The following MAST3 variants were observed in gnomAD, a reference collection of about 807,000 sequenced individuals.
MAST3 encodes microtubule associated serine/threonine kinase 3, also known as microtubule-associated serine/threonine-protein kinase 3.
In MAST3, 43 loss-of-function variants were observed where a neutral mutation model predicts 127.0. The observed-to-expected ratio is 0.34, with a 90% CI of 0.27 to 0.44. The LOEUF (loss-of-function observed/expected upper bound fraction) is 0.44, where lower values mean the gene tolerates loss of function less well. MAST3 is among the 20% of genes least tolerant of loss of function. The pLI is 1.00. For missense variants in MAST3, 1,390 were observed against 1,919.1 expected (o/e 0.72, Z 5.15); for synonymous variants, 785 against 809.2 (o/e 0.97, Z 0.51).
In MAST3 at chr19:18,145,640, A is replaced by G. The variant is rs1184465212; in HGVS notation, c.3040-103A>G. On this transcript the variant is annotated intron_variant, in intron 24 of 27. Transcript: ENST00000687212. This position sits in a 1 kb window ranked among gnomAD's most constrained non-coding sequence, Gnocchi z 5.9. ...GGATCAGGGAAACTGAGACAGCACA[A>G]GAGGCAGCAGCTTGCTGGGGTCCCA... The G allele has an allele frequency of 3.7e-6, 5 of 1,344,300 alleles. No individual in the cohort carries two copies. The East Asian group carries it at 7.9e-5, about 21-fold the overall frequency. 83.3% of individuals were successfully genotyped at this position (1,344,300 alleles called of 1,614,324 possible).
intron 19 of MAST3, 61 bp downstream of exon 19, chr19:18,137,422 G>C: frequency 6.4e-7 from 1 of 1,558,594 alleles, no homozygotes; most frequent in Non-Finnish European, 8.7e-7. Flanking sequence ...CAGTCCCTGG[G>C]GGCAGAGGGC....
At chr19:18,142,593 G>A (rs907850240) in intron 21 of MAST3, among the ~76,000 whole-genome samples, 4 of 150,838 alleles carry the variant, frequency 2.7e-5, no homozygotes, top group East Asian at 2.0e-4. Context: ...CTCGTGATCC[G>A]CCCTCCTCAA....
rs938424125 is a variant in MAST3 at position 18,144,077 on chromosome 19, G to A, written c.2584+70G>A. ...CCAGAGGAGGGGCTATTTGAGATGG[G>A]TTTTCAAGGATGAGTAGGAGTTCTC... On this transcript the variant is annotated intron_variant, in intron 22 of 27. Coordinates refer to ENST00000687212, the MANE Select transcript of MAST3 (RefSeq NM_001393504.1). This position sits in a 1 kb window ranked among gnomAD's most constrained non-coding sequence, Gnocchi z 4.0. 1.3e-6 allele frequency: 2 copies of A among 1,518,186 alleles called. No homozygotes were observed. The highest frequency in any genetic ancestry group is 1.4e-5 in the African/African-American group (1 of 72,084). The allele number at this position is 1,518,186 out of a possible 1,614,324, so 94.0% of individuals were successfully genotyped here.
chr19:18,144,799 G>T lies in MAST3; in HGVS notation c.2812+106G>T. The T allele has an allele frequency of 8.1e-7, 1 of 1,241,876 alleles. No individual in the cohort carries two copies. Among genetic ancestry groups the T allele is most frequent in the East Asian group, 2.4e-5 (1 of 41,734 alleles). The allele number at this position is 1,241,876 out of a possible 1,614,324, so 76.9% of individuals were successfully genotyped here. ...AGGCTGGGGATGAGCCCCAGAAGAG[G>T]GGAGGAGGAGTAGGACACATGGAGA... On this transcript the variant is annotated intron_variant, in intron 23 of 27. Coordinates refer to ENST00000687212, the MANE Select transcript of MAST3 (RefSeq NM_001393504.1). This position sits in a 1 kb window ranked among gnomAD's most constrained non-coding sequence, Gnocchi z 4.0.
rs781125553 is a variant in MAST3 at position 18,144,630 on chromosome 19, G to A, written c.2749G>A (p.Gly917Ser). 13 of 1,611,498 alleles carry A rather than the reference G, an allele frequency of 8.1e-6. No homozygotes were observed. Among genetic ancestry groups the A allele is most frequent in the East Asian group, 2.2e-5 (1 of 44,880 alleles). The change falls in exon 23 of 28, where the codon GGC (glycine) becomes AGC (serine). Residue 917 changes from glycine (G) to serine (S), a missense_variant. Physicochemically the swap from Gly to Ser is moderately conservative, Grantham distance 56 (BLOSUM62 0). Transcript: ENST00000687212. The surrounding 1 kb of genome is among the most constrained non-coding windows in gnomAD (Gnocchi z 4.0). Reference sequence around the variant, plus strand: ...CTCCTCCAGCGGTGGCAGTGGTGGCGGCAGTGGGGGCCGCGTGCCCAAGTC... The same window carrying A: ...CTCCTCCAGCGGTGGCAGTGGTGGCAGCAGTGGGGGCCGCGTGCCCAAGTC... ...RASSSGGSGG[G>S]SGGRVPKSAS...
chr19:18,119,926 C>T (rs1303022059), intron 3 of MAST3, among the ~76,000 whole-genome samples: 1 of 152,214 alleles, frequency 6.6e-6, no homozygotes, highest in East Asian at 1.9e-4. Flanking sequence ...GAGATTCTCC[C>T]GCCGCTGAGC....
Position 18,147,056 on chromosome 19 carries a change from G to GC in MAST3, c.3326+13dup. ...ACCACCAGGGAGCGGTACACAGGGG[G>GC]CGGGGCCACGGGGACTGGGGTTCTT... On this transcript the variant is annotated intron_variant, in intron 26 of 27. Coordinates refer to ENST00000687212, the MANE Select transcript of MAST3 (RefSeq NM_001393504.1). 1 of 1,513,696 alleles carries GC rather than the reference G, an allele frequency of 6.6e-7. No homozygotes were observed. Among genetic ancestry groups the GC allele is most frequent in the African/African-American group, 1.4e-5 (1 of 70,416 alleles). 93.8% of individuals were successfully genotyped at this position (1,513,696 alleles called of 1,614,324 possible).
intron 3 of MAST3, 84 bp from the exon 4 acceptor site, chr19:18,121,601 G>A: frequency 8.6e-7 from 1 of 1,156,300 alleles, no homozygotes; most frequent in South Asian, 1.3e-5. Context: ...TCCAGAACGG[G>A]CTGCGAGTGT....
At chr19:18,107,863 C>T (rs1456862581) in intron 2 of MAST3, among the ~76,000 whole-genome samples, 3 of 152,174 alleles carry the variant, frequency 2.0e-5, no homozygotes, top group African/African-American at 7.2e-5. Flanking sequence ...CAGCTAAGGA[C>T]ACTCAGCTGG....
chr19:18,148,203 A>C (rs996897898), intron 27 of MAST3, among the ~76,000 whole-genome samples: 2 of 152,128 alleles, frequency 1.3e-5, no homozygotes, highest in Admixed American at 6.5e-5. Flanking sequence ...AGGGAGGCTG[A>C]GGCAGGAGAA....
intron 21 of MAST3, among the ~76,000 whole-genome samples, chr19:18,142,526 AT>A (rs1239566349): frequency 6.6e-6 from 1 of 151,040 alleles, no homozygotes; most frequent in East Asian, 2.0e-4. Context: ...TAATTTTTAT[AT>A]TTTTAGTAGA....
chr19:18,123,573 CT>C lies in MAST3; in HGVS notation c.558-4del. On this transcript the variant is annotated splice_region_variant and splice_polypyrimidine_tract_variant and intron_variant, in intron 7 of 27. Coordinates refer to ENST00000687212, the MANE Select transcript of MAST3 (RefSeq NM_001393504.1). ...CCCATATCACAAGCCAGCTGTCTTC[CT>C]TTCAGCCCGGGCCGTGCAACGGGGA... 1 of 1,559,808 alleles carries C rather than the reference CT, an allele frequency of 6.4e-7. No individual in the cohort carries two copies. The highest frequency in any genetic ancestry group is 1.9e-5 in the Admixed American group (1 of 52,110).
At position 18,110,407 on chromosome 19, in the gene MAST3, G is replaced by GGACAGGAT; in HGVS notation, c.72-240_72-233dup. On this transcript the variant is annotated intron_variant, in intron 2 of 27. Coordinates refer to ENST00000687212, the MANE Select transcript of MAST3 (RefSeq NM_001393504.1). The surrounding 1 kb of genome is among the most constrained non-coding windows in gnomAD (Gnocchi z 4.3). The stretch of plus-strand genomic sequence containing the variant: ...GGCGGGGGTATGCGGGGTGCAGGGA[G>GGACAGGAT]GACAGGATGACAACTACCCTCCCCC... 1 of 985,532 alleles carries GGACAGGAT rather than the reference G, an allele frequency of 1.0e-6. No homozygotes were observed. The highest frequency in any genetic ancestry group is 1.2e-6 in the Non-Finnish European group (1 of 829,918). The allele number at this position is 985,532 out of a possible 1,614,324, so 61.0% of individuals were successfully genotyped here.
chr19:18,128,345 G>C, intron 11 of MAST3, 55 bp from the exon 12 acceptor site: 1 of 1,449,004 alleles, frequency 6.9e-7, no homozygotes, highest in South Asian at 1.2e-5. Flanking sequence ...AAATTGCTGG[G>C]TGATGCAGGG....
Position 18,130,715 on chromosome 19 carries a change from G to A in MAST3, c.1432+13G>A. The A allele has an allele frequency of 6.2e-7, 1 of 1,610,818 alleles. No individual in the cohort carries two copies. The highest frequency in any genetic ancestry group is 8.5e-7 in the Non-Finnish European group (1 of 1,178,348). ...GAATACGTGGAAGGTACGCTCACTG[G>A]GGCTTGCATGCCTCCAGCGATGGGG... is the stretch of plus-strand genomic sequence containing the variant. On this transcript the variant is annotated intron_variant, in intron 14 of 27. Coordinates refer to ENST00000687212, the MANE Select transcript of MAST3 (RefSeq NM_001393504.1).
At chr19:18,104,856 A>G (rs2037942029) in intron 1 of MAST3, among the ~76,000 whole-genome samples, 1 of 152,192 alleles carries the variant, frequency 6.6e-6, no homozygotes, top group Admixed American at 6.5e-5. Context: ...TGAGCTCAAC[A>G]ATAGTACAAC....
chr19:18,131,368 G>A lies in MAST3; in HGVS notation c.1433-541G>A, dbSNP rs1206888908. ...CACTCTAGCCTGGGCAACAGAGCGGGCAACAGAGTGAGACTCTGTCTCAAA... is the reference window on the plus strand; with the variant it reads ...CACTCTAGCCTGGGCAACAGAGCGGACAACAGAGTGAGACTCTGTCTCAAA... On this transcript the variant is annotated intron_variant, in intron 14 of 27. Coordinates refer to ENST00000687212, the MANE Select transcript of MAST3 (RefSeq NM_001393504.1). Among the ~76,000 whole-genome samples the A allele has an allele frequency of 1.3e-4, 12 of 89,156 alleles. 2 individuals are homozygous for A. The highest frequency in any genetic ancestry group is 1.1e-4 in the Non-Finnish European group (4 of 37,606). The allele number at this position is 89,156 out of a possible 152,430, so 58.5% of individuals were successfully genotyped here. A position where few individuals can be genotyped will look rare whatever the true frequency, so the allele number is the denominator to read the frequency against.
chr19:18,127,542 G>T (rs1041294941), intron 11 of MAST3, among the ~76,000 whole-genome samples: 7 of 152,196 alleles, frequency 4.6e-5, no homozygotes, highest in Non-Finnish European at 7.3e-5. Flanking sequence ...AAGTTAGCCA[G>T]GTGTGGTGGC....
chr19:18,101,939 G>A (rs2037666994), intron 1 of MAST3, among the ~76,000 whole-genome samples: 1 of 143,062 alleles, frequency 7.0e-6, no homozygotes, highest in African/African-American at 2.6e-5. Context: ...CCAGGCTGGA[G>A]TGCAGTGGCG....
Sources: gnomAD v4.1 joint callset for allele counts (sites outside exome capture counted in the v4.1 genomes callset) on GRCh38, gnomAD v4.1.1 for gene constraint, Gnocchi (gnomAD v3.1) non-coding constraint, MANE v1.5 for transcripts, NCBI Gene and HGNC (gene_info 2026-07-23, HGNC 2026-07-21) for gene names.